The following SIPA1L2 variants were observed in gnomAD, a reference collection of about 807,000 sequenced individuals.
SIPA1L2 encodes the protein signal induced proliferation associated 1 like 2, also known as signal-induced proliferation-associated 1-like protein 2.
SIPA1L2 carries 56 observed loss-of-function variants against 163.9 expected under a neutral mutation model. The observed-to-expected ratio is 0.34, with a 90% CI of 0.28 to 0.43. The LOEUF (loss-of-function observed/expected upper bound fraction) is 0.43. Ranked by LOEUF, SIPA1L2 falls within the 20% of genes least tolerant of loss-of-function variation. SIPA1L2 has a pLI of 1.00. For missense variants in SIPA1L2, 1,974 were observed against 2,193.5 expected, an observed-to-expected ratio of 0.90 and a Z score of 2.00; for synonymous variants, 877 against 865.7, an observed-to-expected ratio of 1.01 and a Z score of -0.23.
At chr1:232,526,538 T>C (rs947712003) in intron 2 of SIPA1L2, among the ~76,000 whole-genome samples, 1 of 152,210 alleles carries the variant, frequency 6.6e-6, no homozygotes, top group Non-Finnish European at 1.5e-5. Flanking sequence ...GCAGTTGATC[T>C]GGCAGGAGGC....
intron 3 of SIPA1L2, among the ~76,000 whole-genome samples, chr1:232,511,432 T>C (rs189256055): frequency 1.0e-3 from 157 of 152,356 alleles, no homozygotes; most frequent in African/African-American, 3.6e-3. Flanking sequence ...TTAGCTTTAT[T>C]GCATCAGATC....
At chr1:232,462,142 T>C in intron 9 of SIPA1L2, 3 of 1,246,696 alleles carry the variant, frequency 2.4e-6, no homozygotes, top group Non-Finnish European at 2.3e-6. Flanking sequence ...GTGGATTGCA[T>C]CCCACTTGGT....
At chr1:232,507,132 A>G (rs1666765142) in intron 3 of SIPA1L2, among the ~76,000 whole-genome samples, 1 of 150,030 alleles carries the variant, frequency 6.7e-6, no homozygotes, top group South Asian at 2.1e-4. Context: ...AGGGTACCAC[A>G]TTCCATTTAG....
At position 232,607,923 on chromosome 1, in the gene SIPA1L2, C is replaced by T. The variant is rs544115779; in HGVS notation, c.-319+21946G>A. On this transcript the variant is annotated intron_variant, in intron 1 of 22. Transcript: ENST00000674635. ...ATACAAAATTAGCTGGGCGGGGTAGCGCATGCCTGTAATCCCAGCTACTCG... is the reference window on the plus strand; with the variant it reads ...ATACAAAATTAGCTGGGCGGGGTAGTGCATGCCTGTAATCCCAGCTACTCG... Among the ~76,000 whole-genome samples the T allele has an allele frequency of 1.5e-3, 229 of 151,680 alleles. 1 individual carries two copies. Among genetic ancestry groups the T allele is most frequent in the African/African-American group, 5.3e-3 (218 of 41,340 alleles).
intron 2 of SIPA1L2, among the ~76,000 whole-genome samples, chr1:232,568,610 A>G (rs534076395): frequency 7.2e-5 from 11 of 152,356 alleles, no homozygotes; most frequent in African/African-American, 2.6e-4. Context: ...TATCCTGGGT[A>G]CAAGAGGACA....
At chr1:232,549,323 T>C (rs1573066030) in intron 2 of SIPA1L2, among the ~76,000 whole-genome samples, 1 of 152,356 alleles carries the variant, frequency 6.6e-6, no homozygotes, top group South Asian at 2.1e-4. Context: ...CAGATGTTCC[T>C]AGCCTTACAC....
intron 4 of SIPA1L2, 127 bp downstream of exon 4, chr1:232,493,400 C>T (rs745557701): frequency 8.0e-7 from 1 of 1,248,106 alleles, no homozygotes; most frequent in Non-Finnish European, 1.1e-6. Flanking sequence ...TTTTAATTAT[C>T]TTAAATGTTG....
At chr1:232,410,696 C>T (rs12046892) in intron 19 of SIPA1L2, among the ~76,000 whole-genome samples, 12 of 151,988 alleles carry the variant, frequency 7.9e-5, no homozygotes, top group African/African-American at 2.7e-4. Flanking sequence ...GGCCTTTGAC[C>T]GTTTCTTATG....
At chr1:232,409,250 C>T (rs986990530) in intron 19 of SIPA1L2, among the ~76,000 whole-genome samples, 1 of 152,234 alleles carries the variant, frequency 6.6e-6, no homozygotes, top group Non-Finnish European at 1.5e-5. Flanking sequence ...GTCATCTTTA[C>T]TATGAAGCTT....
chr1:232,439,558 C>G (rs1009877431), intron 14 of SIPA1L2, 62 bp from the exon 15 acceptor site: 53 of 1,547,896 alleles, frequency 3.4e-5, no homozygotes, highest in Non-Finnish European at 4.0e-5. Flanking sequence ...GCTTCTCACC[C>G]TGACTCAGGG....
chr1:232,623,469 A>C lies in SIPA1L2; in HGVS notation c.-319+6400T>G, dbSNP rs180937297. ...AAATACAAAAAAAAATTAGCTAGGC[A>C]TGGTGGCAGGCACCTGTAGTCCCAG... On this transcript the variant is annotated intron_variant, in intron 1 of 22. Transcript: ENST00000674635. Among the ~76,000 whole-genome samples, 5 of 152,250 alleles carry C rather than the reference A, an allele frequency of 3.3e-5. No individual in the cohort carries two copies. The East Asian group carries it at 9.7e-4, about 29-fold the overall frequency.
chr1:232,424,784 T>C (rs1325355978), intron 18 of SIPA1L2, among the ~76,000 whole-genome samples: 1 of 152,188 alleles, frequency 6.6e-6, no homozygotes, highest in African/African-American at 2.4e-5. Context: ...TCTAAGTGTA[T>C]TATGAAGTTC....
intron 9 of SIPA1L2, chr1:232,462,248 A>C: frequency 6.4e-7 from 1 of 1,550,918 alleles, no homozygotes; most frequent in Non-Finnish European, 8.7e-7. Context: ...GTATCACCCG[A>C]TGACTATGAC....
chr1:232,428,283 G>C lies in SIPA1L2; in HGVS notation c.4410+128C>G, dbSNP rs79935978. On this transcript the variant is annotated intron_variant, in intron 17 of 22. Transcript: ENST00000674635. The stretch of plus-strand genomic sequence containing the variant: ...GGCAACGGTCAACTATGTGCAGTGA[G>C]TTGTTGGTAGGGTCATGAGAGATGA... 5.2e-3 allele frequency: 3,849 copies of C among 743,144 alleles called. 11 individuals are homozygous for C. Among genetic ancestry groups the C allele is most frequent in the Non-Finnish European group, 6.5e-3 (3,379 of 517,610 alleles). The allele number at this position is 743,144 out of a possible 1,614,324, so 46.0% of individuals were successfully genotyped here.
intron 5 of SIPA1L2, among the ~76,000 whole-genome samples, chr1:232,487,955 C>CACAT (rs1491462216): frequency 6.9e-6 from 1 of 145,702 alleles, no homozygotes; most frequent in African/African-American, 2.7e-5. Context: ...CACACACACA[C>CACAT]GCACACATAT....
chr1:232,594,554 T>C (rs558710852), intron 1 of SIPA1L2, among the ~76,000 whole-genome samples: 1 of 152,226 alleles, frequency 6.6e-6, no homozygotes, highest in East Asian at 1.9e-4. Context: ...GTTTCCATCC[T>C]CACTCTCCTT....
chr1:232,417,706 C>T lies in SIPA1L2; in HGVS notation c.4631-2081G>A, dbSNP rs2884089. On this transcript the variant is annotated intron_variant, in intron 18 of 22. Transcript: ENST00000674635. ...AAGGTAAAGAAACCCAGGAATCTTCCTTCACTTAAAAAACACTTCCTTCTC... is the reference window on the plus strand; with the variant it reads ...AAGGTAAAGAAACCCAGGAATCTTCTTTCACTTAAAAAACACTTCCTTCTC... 8.6e-3 allele frequency among the ~76,000 whole-genome samples: 1,307 copies of T among 152,238 alleles called. 18 individuals are homozygous for T. The highest frequency in any genetic ancestry group is 0.012 in the Non-Finnish European group (799 of 68,018).
intron 19 of SIPA1L2, 109 bp from the exon 20 acceptor site, chr1:232,404,287 AC>A: frequency 1.2e-6 from 1 of 842,574 alleles, no homozygotes; most frequent in Non-Finnish European, 1.9e-6. Flanking sequence ...TGTGTGATGG[AC>A]CAGGGGAAAC....
rs1662023006 is a variant in SIPA1L2, at chr1:232,428,344, T to C, written c.4410+67A>G. The C allele has an allele frequency of 3.7e-6, 5 of 1,335,016 alleles. No individual in the cohort carries two copies. In the Admixed American group the frequency reaches 1.5e-4, roughly 39 times the overall value. 82.7% of individuals were successfully genotyped at this position (1,335,016 alleles called of 1,614,324 possible). ...AGTACTCTGGAAACCTCTGAGTTTC[T>C]TTAGACTTTTTTTTTTTTTTTTTTT... is the stretch of plus-strand genomic sequence containing the variant. On this transcript the variant is annotated intron_variant, in intron 17 of 22. Transcript: ENST00000674635.
Sources: gnomAD v4.1 joint callset for allele counts (sites outside exome capture counted in the v4.1 genomes callset) on GRCh38, gnomAD v4.1.1 for gene constraint, MANE v1.5 for transcripts, NCBI Gene and HGNC (gene_info 2026-07-23, HGNC 2026-07-21) for gene names.